Variants in SEMA3A observed in about 807,000 individuals in gnomAD.
SEMA3A encodes semaphorin 3A.
Under a neutral mutation model 97.9 loss-of-function variants are expected in SEMA3A, and 29 were observed. The observed-to-expected ratio is 0.30, with a 90% CI of 0.22 to 0.40. The LOEUF is 0.40. SEMA3A is among the 10% of genes least tolerant of loss of function. The probability of loss-of-function intolerance (pLI) is 1.00; values close to 1 mark genes in which losing one functional copy is unlikely to be tolerated. For missense variants in SEMA3A, 763 were observed against 951.3 expected (o/e 0.80, Z 2.60); for synonymous variants, 321 against 323.7 (o/e 0.99, Z 0.09).
intron 5 of SEMA3A, among the ~76,000 whole-genome samples, chr7:84,049,686 T>TTA (rs1792516119): frequency 1.3e-5 from 2 of 152,070 alleles, no homozygotes; most frequent in Non-Finnish European, 2.9e-5. Context: ...AGTTATCAAA[T>TTA]TATATGTTGA....
chr7:84,049,751 A>C (rs963587068), intron 5 of SEMA3A, among the ~76,000 whole-genome samples: 1 of 151,124 alleles, frequency 6.6e-6, no homozygotes, highest in Non-Finnish European at 1.5e-5. Context: ...TTTAGGGTAC[A>C]TGTGCACAAT....
chr7:84,255,324 C>T (rs1435648829), intron 3 of SEMA3A, among the ~76,000 whole-genome samples: 1 of 152,064 alleles, frequency 6.6e-6, no homozygotes, highest in Non-Finnish European at 1.5e-5. Context: ...CATTTTATAT[C>T]TCTCTAAACT....
chr7:84,359,288 C>G (rs1416619736), intron 2 of SEMA3A, among the ~76,000 whole-genome samples: 9 of 151,802 alleles, frequency 5.9e-5, no homozygotes, highest in Non-Finnish European at 8.8e-5. Context: ...TCATAAATAG[C>G]TCTTATTATT....
intron 2 of SEMA3A, 110 bp downstream of exon 2, chr7:84,134,684 T>C: frequency 1.3e-6 from 1 of 799,706 alleles, no homozygotes; most frequent in Non-Finnish European, 1.8e-6. Context: ...GACAAACTAT[T>C]AATTCAAAAC....
rs1286782148 is a variant in SEMA3A at position 84,304,283 on chromosome 7, A to C, written c.-83+2924T>G. 3.3e-5 allele frequency among the ~76,000 whole-genome samples: 5 copies of C among 152,126 alleles called. 1 individual carries two copies. The highest frequency in any genetic ancestry group is 1.2e-4 in the African/African-American group (5 of 41,454). ...AATTTTTTTGTTTTAAGGGCTGAAT[A>C]GTAAATATCTGATGCTTTGAAGTCC... On this transcript the variant is annotated intron_variant, in intron 3 of 3. Transcript: ENST00000424555.
chr7:84,043,536 G>A (rs924173921), intron 6 of SEMA3A, among the ~76,000 whole-genome samples: 3 of 152,016 alleles, frequency 2.0e-5, no homozygotes, highest in African/African-American at 7.2e-5. Flanking sequence ...ACTTTGCAAA[G>A]CAATGTGTTA....
chr7:83,981,219 A>G, intron 14 of SEMA3A, 102 bp downstream of exon 14: 1 of 1,291,862 alleles, frequency 7.7e-7, no homozygotes, highest in African/African-American at 1.5e-5. Context: ...CTTTTTATTC[A>G]TTAGAAAAAG....
intron 9 of SEMA3A, among the ~76,000 whole-genome samples, chr7:84,010,584 G>C (rs1790839227): frequency 6.6e-6 from 1 of 152,064 alleles, no homozygotes; most frequent in South Asian, 2.1e-4. Context: ...TCATTCATTA[G>C]CAATTGACTA....
intron 12 of SEMA3A, among the ~76,000 whole-genome samples, chr7:83,994,787 C>T (rs552772445): frequency 3.1e-3 from 478 of 151,894 alleles, no homozygotes; most frequent in Non-Finnish European, 5.7e-3. Context: ...GTGCCCTGCC[C>T]CCAGAGGTGG....
At chr7:84,468,817 C>T (rs1806069269) in intron 1 of SEMA3A, among the ~76,000 whole-genome samples, 2 of 146,524 alleles carry the variant, frequency 1.4e-5, no homozygotes, top group Non-Finnish European at 3.0e-5. Context: ...TTTTTATTTT[C>T]TTTTTTTTTT....
intron 4 of SEMA3A, among the ~76,000 whole-genome samples, chr7:84,062,956 T>G (rs953311227): frequency 3.3e-5 from 5 of 151,938 alleles, no homozygotes; most frequent in Admixed American, 6.6e-5. Context: ...AGGCTCCACC[T>G]CTGGGGGCAG....
intron 5 of SEMA3A, among the ~76,000 whole-genome samples, chr7:84,047,217 A>G (rs747180005): frequency 6.6e-5 from 10 of 152,034 alleles, no homozygotes; most frequent in Non-Finnish European, 1.5e-4. Flanking sequence ...ACTCTAGGTC[A>G]GAGTTTAATA....
chr7:84,481,839 CTAAAA>C (rs2116434765), intron 1 of SEMA3A, among the ~76,000 whole-genome samples: 1 of 151,824 alleles, frequency 6.6e-6, no homozygotes, highest in Non-Finnish European at 1.5e-5. Context: ...GCAAAGTTAA[CTAAAA>C]TAATCAATGC....
chr7:84,079,036 T>A (rs919586196), intron 4 of SEMA3A, among the ~76,000 whole-genome samples: 4 of 152,100 alleles, frequency 2.6e-5, no homozygotes, highest in Non-Finnish European at 4.4e-5. Context: ...TTGAATTATT[T>A]ATAAATAATT....
intron 3 of SEMA3A, among the ~76,000 whole-genome samples, chr7:84,276,138 T>C (rs1243017590): frequency 1.3e-5 from 2 of 152,074 alleles, no homozygotes; most frequent in Non-Finnish European, 1.5e-5. Context: ...ATCTATTCTT[T>C]AATTCTTTCG....
At chr7:84,119,880 T>A (rs1795550514) in intron 3 of SEMA3A, among the ~76,000 whole-genome samples, 1 of 152,142 alleles carries the variant, frequency 6.6e-6, no homozygotes, top group Non-Finnish European at 1.5e-5. Context: ...AAATACTTAC[T>A]GTACTCTAAA....
chr7:84,027,401 AAATTTATC>A (rs1791586488), intron 6 of SEMA3A, among the ~76,000 whole-genome samples: 1 of 152,146 alleles, frequency 6.6e-6, no homozygotes, highest in Non-Finnish European at 1.5e-5. Flanking sequence ...TGTCAGGTGG[AAATTTATC>A]TTCTGCATTT....
intron 15 of SEMA3A, among the ~76,000 whole-genome samples, chr7:83,970,803 A>G (rs1788882966): frequency 6.6e-6 from 1 of 152,188 alleles, no homozygotes; most frequent in Non-Finnish European, 1.5e-5. Context: ...ATTTCTCTCA[A>G]TAATACTCAG....
chr7:84,397,311 T>C (rs984274189), intron 1 of SEMA3A, among the ~76,000 whole-genome samples: 4 of 151,332 alleles, frequency 2.6e-5, no homozygotes, highest in African/African-American at 9.7e-5. Flanking sequence ...TTATTTTACT[T>C]AAAATTATCT....
Sources: gnomAD v4.1 joint callset for allele counts (sites outside exome capture counted in the v4.1 genomes callset) on GRCh38, gnomAD v4.1.1 for gene constraint, MANE v1.5 for transcripts, NCBI Gene and HGNC (gene_info 2026-07-23, HGNC 2026-07-21) for gene names.